The following PGM1 variants were observed in gnomAD, a reference collection of about 807,000 sequenced individuals.
The protein encoded by PGM1 is phosphoglucomutase-1.
PGM1 carries 52 observed loss-of-function variants against 55.6 expected under a neutral mutation model. The observed-to-expected ratio is 0.94, with a 90% confidence interval of 0.75 to 1.18. The LOEUF is 1.18. Ranked by LOEUF, PGM1 falls within the 50% of genes most tolerant of loss-of-function variation. The probability of loss-of-function intolerance (pLI) is 0.00; values close to 1 mark genes in which losing one functional copy is unlikely to be tolerated. For missense variants in PGM1, 724 were observed against 729.3 expected, an observed-to-expected ratio of 0.99 and a Z score of 0.08; for synonymous variants, 287 against 271.7, an observed-to-expected ratio of 1.06 and a Z score of -0.55.
intron 7 of PGM1, among the ~76,000 whole-genome samples, chr1:63,646,476 G>A (rs1002074284): frequency 1.3e-5 from 2 of 152,066 alleles, no homozygotes; most frequent in African/African-American, 4.8e-5. Context: ...GGAGACAGAT[G>A]TCTCCTTTAA....
chr1:63,655,080 T>C (rs974708929), intron 10 of PGM1, among the ~76,000 whole-genome samples: 46 of 150,218 alleles, frequency 3.1e-4, no homozygotes, highest in South Asian at 1.5e-3. Flanking sequence ...GCAATCCTCC[T>C]ACCTCAGCTA....
At chr1:63,623,596 T>A in intron 1 of PGM1, 1 of 1,612,802 alleles carries the variant, frequency 6.2e-7, no homozygotes, top group East Asian at 2.2e-5. Context: ...GAAAACCTAT[T>A]ATTTTGAGGA....
At chr1:63,640,220 G>C (rs937734614) in intron 7 of PGM1, among the ~76,000 whole-genome samples, 1 of 152,212 alleles carries the variant, frequency 6.6e-6, no homozygotes, top group African/African-American at 2.4e-5. Flanking sequence ...GGCAGCAACT[G>C]TGTCAAAACC....
At chr1:63,594,788 C>CAAA (rs34661751) in intron 1 of PGM1, among the ~76,000 whole-genome samples, 28 of 90,496 alleles carry the variant, frequency 3.1e-4, no homozygotes, top group South Asian at 2.4e-3. Context: ...CTAAAAAATA[C>CAAA]AAAAAAAAAA....
At position 63,638,724 on chromosome 1, in the gene PGM1, A is replaced by T. The variant is rs1570503659; in HGVS notation, c.1068A>T (p.Pro356=). Residue 356 remains proline (P), a synonymous_variant, in exon 7 of 11, where the codon CCA becomes CCT. Coordinates refer to ENST00000371084, the MANE Select transcript of PGM1 (RefSeq NM_002633.3). ...SATKIALYET[P]TGWKFFGNLM... is the part of the protein sequence containing the mutation. The stretch of plus-strand genomic sequence containing the variant: ...CAAAGATTGCTTTGTATGAGACCCC[A>T]ACTGGCTGGAAGTTTTTTGGGAATT... 6.2e-7 allele frequency: 1 copy of T among 1,614,062 alleles called. No homozygotes were observed. Among genetic ancestry groups the T allele is most frequent in the Non-Finnish European group, 8.5e-7 (1 of 1,179,954 alleles).
rs1650070232 is a variant in PGM1, at chr1:63,659,797, C to T, written c.*122C>T. 3 of 761,846 alleles carry T rather than the reference C, an allele frequency of 3.9e-6. No individual in the cohort carries two copies. Among genetic ancestry groups the T allele is most frequent in the Non-Finnish European group, 2.3e-6 (1 of 429,510 alleles). The allele number at this position is 761,846 out of a possible 1,614,324, so 47.2% of individuals were successfully genotyped here. On this transcript the variant is annotated 3_prime_UTR_variant, in exon 11 of 11. Coordinates refer to ENST00000371084, the MANE Select transcript of PGM1 (RefSeq NM_002633.3). Reference sequence around the variant, plus strand: ...TTTTAGGATTTGACTTTTTCACTAACCAGTTGACGAGCAGTGCATTTACAA... The same window carrying T: ...TTTTAGGATTTGACTTTTTCACTAATCAGTTGACGAGCAGTGCATTTACAA...
At chr1:63,654,301 G>T (rs1406304249) in intron 9 of PGM1, 31 bp from the exon 10 acceptor site, 1 of 1,612,006 alleles carries the variant, frequency 6.2e-7, no homozygotes, top group Non-Finnish European at 8.5e-7. Flanking sequence ...CCCAGCATTT[G>T]GGGAAAAAAA....
rs532146694 is a variant in PGM1 at position 63,628,713 on chromosome 1, G to C, written c.247-712G>C. On this transcript the variant is annotated intron_variant, in intron 1 of 10. Transcript: ENST00000371084. The stretch of plus-strand genomic sequence containing the variant: ...GGAGCAGTACTGATACCATCTGTAA[G>C]AGATATGGGAAGGTAAGTTAAGAAT... Among the ~76,000 whole-genome samples the C allele has an allele frequency of 2.0e-5, 3 of 152,210 alleles. No individual in the cohort carries two copies. The South Asian group carries it at 6.2e-4, about 32-fold the overall frequency.
rs143153659 is a variant in PGM1, at chr1:63,631,932, A to G, written c.682+150A>G. The G allele has an allele frequency of 1.0e-5, 8 of 798,462 alleles. No individual in the cohort carries two copies. The East Asian group carries it at 1.7e-4, about 17-fold the overall frequency. The allele number at this position is 798,462 out of a possible 1,614,324, so 49.5% of individuals were successfully genotyped here. The stretch of plus-strand genomic sequence containing the variant: ...TTTGCAACCAGAGCAATATTCACAC[A>G]GATAAAAATCTAATTGTATGTAGCA... On this transcript the variant is annotated intron_variant, in intron 4 of 10. Transcript: ENST00000371084.
At chr1:63,629,919 AC>A (rs1171099977) in intron 2 of PGM1, 22 bp from the exon 3 acceptor site, 3 of 1,613,734 alleles carry the variant, frequency 1.9e-6, no homozygotes, top group Non-Finnish European at 2.5e-6. Flanking sequence ...GAAGTAACCC[AC>A]TGTTTGCTGT....
At position 63,651,763 on chromosome 1, in the gene PGM1, TTC is replaced by T. The variant is rs763428801; in HGVS notation, c.1378_1379del (p.Ala461LysfsTer2). The T allele has an allele frequency of 3.7e-6, 6 of 1,613,892 alleles. No individual in the cohort carries two copies. The highest frequency in any genetic ancestry group is 1.7e-5 in the Admixed American group (1 of 60,012). ...MFDRSFVGKQ[F>X]SANDKVYTVE... ...TGATCGCTCCTTTGTGGGGAAGCAG[TTC>T]TCAGCAAATGACAAAGTTTACACTG... is the stretch of plus-strand genomic sequence containing the variant. On this transcript the variant is annotated frameshift_variant, in exon 9 of 11. Transcript: ENST00000371084. LOFTEE classifies it high-confidence loss of function.
intron 1 of PGM1, among the ~76,000 whole-genome samples, chr1:63,599,663 G>A (rs190918102): frequency 1.4e-4 from 22 of 152,222 alleles, no homozygotes; most frequent in Admixed American, 5.9e-4. Context: ...GGTTTCGGGC[G>A]CCTGTGGTCT....
At chr1:63,641,051 T>TA (rs1649501784) in intron 7 of PGM1, among the ~76,000 whole-genome samples, 1 of 152,230 alleles carries the variant, frequency 6.6e-6, no homozygotes, top group Non-Finnish European at 1.5e-5. Flanking sequence ...ATTAAACCCT[T>TA]AAAGTTTTTA....
intron 1 of PGM1, among the ~76,000 whole-genome samples, chr1:63,608,432 C>G (rs1351141995): frequency 6.6e-6 from 1 of 152,212 alleles, no homozygotes; most frequent in Middle Eastern, 3.2e-3. Context: ...CCTGTCAGCT[C>G]TAAACCATAG....
chr1:63,638,714 A>G lies in PGM1; in HGVS notation c.1058A>G (p.Tyr353Cys), dbSNP rs141538833. 1.2e-5 allele frequency: 20 copies of G among 1,613,860 alleles called. No individual in the cohort carries two copies. In the African/African-American group the frequency reaches 2.1e-4, roughly 17 times the overall value. ...RVASATKIAL[Y>C]ETPTGWKFFG... ...GCTAGTGCTACAAAGATTGCTTTGT[A>G]TGAGACCCCAACTGGCTGGAAGTTT... Residue 353 changes from tyrosine (Y) to cysteine (C), a missense_variant, in exon 7 of 11, where the codon TAT (tyrosine) becomes TGT (cysteine). By Grantham distance (194) the Tyr-to-Cys change is radical. Coordinates refer to ENST00000371084, the MANE Select transcript of PGM1 (RefSeq NM_002633.3).
At chr1:63,606,462 G>T (rs1012910363) in intron 1 of PGM1, among the ~76,000 whole-genome samples, 1 of 152,154 alleles carries the variant, frequency 6.6e-6, no homozygotes, top group Non-Finnish European at 1.5e-5. Flanking sequence ...CTTCTGTTGT[G>T]CAGCCTTCCC....
chr1:63,606,330 A>G (rs914898611), intron 1 of PGM1, among the ~76,000 whole-genome samples: 1 of 152,238 alleles, frequency 6.6e-6, no homozygotes, highest in Non-Finnish European at 1.5e-5. Flanking sequence ...TGCTGTTAGC[A>G]GAGTTTCCAA....
intron 1 of PGM1, among the ~76,000 whole-genome samples, chr1:63,594,397 C>G (rs1255457766): frequency 6.6e-6 from 1 of 152,082 alleles, no homozygotes; most frequent in Non-Finnish European, 1.5e-5. Context: ...GGGGGGCAGG[C>G]GTTTGAAACA....
chr1:63,595,808 G>T (rs1302467444), intron 1 of PGM1, among the ~76,000 whole-genome samples: 1 of 152,144 alleles, frequency 6.6e-6, no homozygotes, highest in Non-Finnish European at 1.5e-5. Flanking sequence ...GTCCATTTGG[G>T]AGTAGTGTGG....
Sources: allele counts gnomAD v4.1 joint callset (sites outside exome capture counted in the v4.1 genomes callset), GRCh38; gene constraint gnomAD v4.1.1; transcripts MANE v1.5; gene names NCBI Gene and HGNC (gene_info 2026-07-23, HGNC 2026-07-21).